Variants in SLC35F4 observed in about 807,000 individuals in gnomAD.
SLC35F4 encodes the protein solute carrier family 35 member F4.
A neutral mutation model predicts 44.2 loss-of-function variants in SLC35F4; 24 were observed. The observed-to-expected ratio is 0.54, with a 90% CI of 0.39 to 0.76. The LOEUF (loss-of-function observed/expected upper bound fraction) is 0.76. Ranked by LOEUF, SLC35F4 falls within the 30% of genes least tolerant of loss-of-function variation. The pLI is 0.00. For missense variants in SLC35F4, 562 were observed against 586.1 expected, an observed-to-expected ratio of 0.96 and a Z score of 0.42; for synonymous variants, 238 against 223.6, an observed-to-expected ratio of 1.06 and a Z score of -0.57.
At chr14:57,633,227 C>T (rs2072869864) in intron 1 of SLC35F4, among the ~76,000 whole-genome samples, 1 of 152,132 alleles carries the variant, frequency 6.6e-6, no homozygotes. Flanking sequence ...CATAAGTTTT[C>T]AACTCCTTTG....
intron 1 of SLC35F4, among the ~76,000 whole-genome samples, chr14:57,652,634 C>T (rs956069635): frequency 1.2e-4 from 18 of 151,458 alleles, no homozygotes; most frequent in African/African-American, 4.4e-4. Context: ...TAGTAACCCC[C>T]ACACAAAGAT....
At chr14:57,670,611 G>C (rs887570035) in intron 1 of SLC35F4, among the ~76,000 whole-genome samples, 2 of 151,924 alleles carry the variant, frequency 1.3e-5, no homozygotes, top group Non-Finnish European at 2.9e-5. Flanking sequence ...TTCAGGAGCA[G>C]GTTGTTCAGT....
At chr14:57,769,412 T>G (rs2077308417) in intron 1 of SLC35F4, among the ~76,000 whole-genome samples, 1 of 152,170 alleles carries the variant, frequency 6.6e-6, no homozygotes, top group African/African-American at 2.4e-5. Context: ...GCCAGAATGT[T>G]AAACATTCTT....
chr14:57,627,801 A>T (rs2072547755), intron 1 of SLC35F4, among the ~76,000 whole-genome samples: 1 of 152,026 alleles, frequency 6.6e-6, no homozygotes, highest in Admixed American at 6.6e-5. Flanking sequence ...GAGAAATTTA[A>T]TTCCTTCCTT....
intron 4 of SLC35F4, 90 bp from the exon 5 acceptor site, chr14:57,572,109 A>G: frequency 6.9e-7 from 1 of 1,456,320 alleles, no homozygotes; most frequent in Non-Finnish European, 9.3e-7. Flanking sequence ...GCTGCTAAGT[A>G]CTTCCTTAAA....
chr14:57,847,607 T>C (rs753616169), intron 1 of SLC35F4, among the ~76,000 whole-genome samples: 27 of 152,194 alleles, frequency 1.8e-4, no homozygotes, highest in Non-Finnish European at 3.7e-4. Context: ...ATTTTCAGTG[T>C]AAATGTTTTA....
intron 1 of SLC35F4, among the ~76,000 whole-genome samples, chr14:57,619,913 G>A (rs189196804): frequency 1.3e-5 from 2 of 151,678 alleles, no homozygotes; most frequent in East Asian, 3.9e-4. Flanking sequence ...ATCAACAGCC[G>A]AATCAATCAA....
intron 1 of SLC35F4, among the ~76,000 whole-genome samples, chr14:57,607,109 G>A (rs1351770052): frequency 6.6e-6 from 1 of 152,128 alleles, no homozygotes; most frequent in Non-Finnish European, 1.5e-5. Flanking sequence ...TCTCTGGAAG[G>A]CAATTCACTG....
intron 1 of SLC35F4, among the ~76,000 whole-genome samples, chr14:57,960,595 G>A (rs1291734463): frequency 2.0e-5 from 3 of 152,214 alleles, no homozygotes; most frequent in Non-Finnish European, 4.4e-5. Flanking sequence ...CTTGGATTGT[G>A]CTGCCAGCAA....
At chr14:57,783,379 G>C (rs953123207) in intron 1 of SLC35F4, among the ~76,000 whole-genome samples, 3 of 151,532 alleles carry the variant, frequency 2.0e-5, no homozygotes, top group African/African-American at 7.3e-5. Flanking sequence ...TTATAATGCA[G>C]ACAACAGTCT....
chr14:57,937,928 C>T (rs1411328208), intron 1 of SLC35F4, among the ~76,000 whole-genome samples: 1 of 152,190 alleles, frequency 6.6e-6, no homozygotes, highest in Non-Finnish European at 1.5e-5. Context: ...ACATCACATG[C>T]ACATTTCTAC....
intron 1 of SLC35F4, among the ~76,000 whole-genome samples, chr14:57,637,724 C>T (rs1427772556): frequency 6.6e-6 from 1 of 152,048 alleles, no homozygotes; most frequent in Non-Finnish European, 1.5e-5. Context: ...AACATTATTA[C>T]AAACAATTCC....
At chr14:57,601,311 AC>A (rs2070812527) in intron 1 of SLC35F4, among the ~76,000 whole-genome samples, 2 of 152,222 alleles carry the variant, frequency 1.3e-5, no homozygotes, top group South Asian at 4.1e-4. Context: ...CATGAAAAAT[AC>A]CTTTTAATTT....
rs1267486444 is a variant in SLC35F4, at chr14:57,571,877, G to C, written c.933+17C>G. ...TTATGAGTGACAGTTGCTTACAAAAGAAAGTGCACAACATACCTTATATAA... is the reference window on the plus strand; with the variant it reads ...TTATGAGTGACAGTTGCTTACAAAACAAAGTGCACAACATACCTTATATAA... On this transcript the variant is annotated intron_variant, in intron 5 of 7. Transcript: ENST00000556826. 4 of 1,599,370 alleles carry C rather than the reference G, an allele frequency of 2.5e-6. No homozygotes were observed. The South Asian group carries it at 4.5e-5, about 18-fold the overall frequency.
chr14:57,658,078 C>T (rs1380742496), intron 1 of SLC35F4, among the ~76,000 whole-genome samples: 3 of 152,166 alleles, frequency 2.0e-5, no homozygotes, highest in Non-Finnish European at 4.4e-5. Flanking sequence ...ACTATGGAAA[C>T]TCAGTCAATT....
intron 4 of SLC35F4, chr14:57,578,492 A>G (rs947180584): frequency 2.6e-5 from 4 of 151,834 alleles, no homozygotes; most frequent in Admixed American, 2.0e-4. Context: ...ACCTAATTAT[A>G]TGTGTTCTCA....
intron 1 of SLC35F4, among the ~76,000 whole-genome samples, chr14:57,784,672 C>A (rs1237376319): frequency 6.6e-6 from 1 of 152,074 alleles, no homozygotes; most frequent in Non-Finnish European, 1.5e-5. Flanking sequence ...GACTCTGTCT[C>A]TTCAAACACA....
At chr14:57,621,026 G>A (rs1198647749) in intron 1 of SLC35F4, among the ~76,000 whole-genome samples, 1 of 150,940 alleles carries the variant, frequency 6.6e-6, no homozygotes, top group Admixed American at 6.6e-5. Flanking sequence ...ACCAATAACA[G>A]ACAAACAGAG....
intron 1 of SLC35F4, among the ~76,000 whole-genome samples, chr14:57,645,587 G>C (rs59079952): frequency 0.033 from 4,774 of 146,234 alleles, 212 homozygotes; most frequent in South Asian, 0.078. Context: ...ATTTGACTTC[G>C]TCTTTTCCTA....
Sources: allele counts gnomAD v4.1 joint callset (sites outside exome capture counted in the v4.1 genomes callset), GRCh38; gene constraint gnomAD v4.1.1; transcripts MANE v1.5; gene names NCBI Gene and HGNC (gene_info 2026-07-23, HGNC 2026-07-21).